The following FBXL17 variants were observed in gnomAD, a reference collection of about 807,000 sequenced individuals.
The protein encoded by FBXL17 is F-box and leucine rich repeat protein 17.
FBXL17 carries 22 observed loss-of-function variants against 66.2 expected under a neutral mutation model. The ratio of observed to expected loss-of-function variants is 0.33; its 90% CI spans 0.24 to 0.47. The LOEUF (loss-of-function observed/expected upper bound fraction) is 0.47. Ranked by LOEUF, FBXL17 falls within the 20% of genes least tolerant of loss-of-function variation. The pLI is 1.00. For synonymous variants in FBXL17, 474 were observed against 400.5 expected, an observed-to-expected ratio of 1.18 and a Z score of -2.19; for missense variants, 878 against 948.2, an observed-to-expected ratio of 0.93 and a Z score of 0.97.
chr5:107,978,402 A>AG (rs1479963525), intron 7 of FBXL17, among the ~76,000 whole-genome samples: 1 of 152,218 alleles, frequency 6.6e-6, no homozygotes, highest in Admixed American at 6.5e-5. Flanking sequence ...GGATTATGAG[A>AG]GGGGCCTGAA....
intron 5 of FBXL17, among the ~76,000 whole-genome samples, chr5:108,207,065 A>T (rs1241585657): frequency 6.6e-6 from 1 of 152,164 alleles, no homozygotes; most frequent in East Asian, 1.9e-4. Context: ...TAGGCATGAG[A>T]TTAATAACAA....
intron 4 of FBXL17, among the ~76,000 whole-genome samples, chr5:108,321,046 A>T (rs1321031020): frequency 1.3e-5 from 2 of 151,828 alleles, no homozygotes; most frequent in African/African-American, 2.4e-5. Context: ...TAGTAACAGC[A>T]ATCTTCATGT....
At chr5:108,112,336 T>C (rs979926793) in intron 6 of FBXL17, among the ~76,000 whole-genome samples, 1 of 152,122 alleles carries the variant, frequency 6.6e-6, no homozygotes, top group Admixed American at 6.5e-5. Flanking sequence ...TGAGCTTGGA[T>C]AGAAATGACC....
chr5:108,210,828 C>T (rs1049657774), intron 5 of FBXL17, among the ~76,000 whole-genome samples: 9 of 152,082 alleles, frequency 5.9e-5, no homozygotes, highest in Non-Finnish European at 1.3e-4. Context: ...CCATTAGGTC[C>T]TCTTGGTCCA....
At chr5:108,061,047 G>A (rs1490859181) in intron 6 of FBXL17, among the ~76,000 whole-genome samples, 4 of 152,026 alleles carry the variant, frequency 2.6e-5, no homozygotes, top group Non-Finnish European at 5.9e-5. Flanking sequence ...AGCACTTTGG[G>A]AGGGCAAAGT....
At chr5:108,052,831 A>G (rs564172037) in intron 6 of FBXL17, among the ~76,000 whole-genome samples, 20 of 152,360 alleles carry the variant, frequency 1.3e-4, no homozygotes, top group African/African-American at 4.3e-4. Context: ...ACAGCATGGT[A>G]CTGGTACCAA....
At chr5:108,290,203 T>G (rs919305682) in intron 4 of FBXL17, among the ~76,000 whole-genome samples, 1 of 152,168 alleles carries the variant, frequency 6.6e-6, no homozygotes, top group Non-Finnish European at 1.5e-5. Flanking sequence ...CATCTTAGAT[T>G]CAGTGAAGTA....
chr5:108,147,542 A>G (rs912780519), intron 6 of FBXL17, among the ~76,000 whole-genome samples: 2 of 152,168 alleles, frequency 1.3e-5, no homozygotes, highest in Non-Finnish European at 2.9e-5. Flanking sequence ...AAAATGACGG[A>G]TAGGTTACAA....
At chr5:108,014,820 G>C (rs1416236832) in intron 7 of FBXL17, among the ~76,000 whole-genome samples, 1 of 152,152 alleles carries the variant, frequency 6.6e-6, no homozygotes, top group Non-Finnish European at 1.5e-5. Flanking sequence ...ACAGTTCCAT[G>C]TGACTGGGGA....
intron 4 of FBXL17, among the ~76,000 whole-genome samples, chr5:108,329,815 C>A (rs1349694907): frequency 6.6e-6 from 1 of 152,030 alleles, no homozygotes; most frequent in Non-Finnish European, 1.5e-5. Flanking sequence ...TCTTAAAACA[C>A]AGTATACAAT....
intron 6 of FBXL17, among the ~76,000 whole-genome samples, chr5:108,135,947 G>GT (rs1019559866): frequency 6.6e-6 from 1 of 152,022 alleles, no homozygotes; most frequent in Non-Finnish European, 1.5e-5. Context: ...CTCCAACATA[G>GT]TTTTTTATGG....
At chr5:107,979,940 A>G (rs1319834586) in intron 7 of FBXL17, among the ~76,000 whole-genome samples, 2 of 152,234 alleles carry the variant, frequency 1.3e-5, no homozygotes, top group African/African-American at 2.4e-5. Context: ...CTTAACAATA[A>G]TGGTTTCTAA....
chr5:108,353,686 C>G (rs1580873740), intron 3 of FBXL17, among the ~76,000 whole-genome samples: 1 of 152,130 alleles, frequency 6.6e-6, no homozygotes, highest in East Asian at 1.9e-4. Context: ...CCAGCCAGTT[C>G]TAGCCTTCCA....
rs554022611 is a variant in FBXL17 at position 107,970,014 on chromosome 5, T to C, written c.1822+50911A>G. ...TAGAAATCTAATTAACCCAAGCATA[T>C]CTTAAGGCTTTCAAAAGAGAACATA... On this transcript the variant is annotated intron_variant, in intron 7 of 8. Transcript: ENST00000542267. Among the ~76,000 whole-genome samples the C allele has an allele frequency of 1.6e-4, 24 of 152,288 alleles. No individual in the cohort carries two copies. In the East Asian group the frequency reaches 1.9e-3, roughly 12 times the overall value.
chr5:108,190,585 TC>T (rs1753431838), intron 5 of FBXL17, among the ~76,000 whole-genome samples: 1 of 152,220 alleles, frequency 6.6e-6, no homozygotes. Context: ...AGGTTAACTG[TC>T]TTTTTATGTT....
At chr5:108,097,323 G>A (rs71592746) in intron 6 of FBXL17, among the ~76,000 whole-genome samples, 2 of 152,148 alleles carry the variant, frequency 1.3e-5, no homozygotes, top group African/African-American at 4.8e-5. Flanking sequence ...ACCAGTCTCA[G>A]GTAGTATCTT....
intron 7 of FBXL17, among the ~76,000 whole-genome samples, chr5:108,003,300 G>T (rs11956232): frequency 0.14 from 20,885 of 152,076 alleles, 3,912 homozygotes; most frequent in African/African-American, 0.42. Flanking sequence ...ACTGAAAGTA[G>T]TCCAAACTGC....
intron 6 of FBXL17, among the ~76,000 whole-genome samples, chr5:108,150,618 A>G (rs956119758): frequency 7.2e-5 from 11 of 152,164 alleles, no homozygotes; most frequent in African/African-American, 2.7e-4. Flanking sequence ...CACAATGACA[A>G]TTTTGAAGAA....
At chr5:107,877,455 A>G (rs1467363507) in intron 8 of FBXL17, among the ~76,000 whole-genome samples, 3 of 152,182 alleles carry the variant, frequency 2.0e-5, no homozygotes, top group Non-Finnish European at 4.4e-5. Context: ...AATACAATGC[A>G]TTTTGTTATT....
Sources: gnomAD v4.1 joint callset for allele counts (sites outside exome capture counted in the v4.1 genomes callset) on GRCh38, gnomAD v4.1.1 for gene constraint, MANE v1.5 for transcripts, NCBI Gene and HGNC (gene_info 2026-07-23, HGNC 2026-07-21) for gene names.